NUMA1: variants seen among roughly 807,000 people sequenced by gnomAD.
The protein encoded by NUMA1 is SP-H antigen.
A neutral mutation model predicts 237.1 loss-of-function variants in NUMA1; 62 were observed. The ratio of observed to expected loss-of-function variants is 0.26; its 90% confidence interval spans 0.21 to 0.32. The LOEUF is 0.32. Among genes scored for constraint, NUMA1 ranks in the 10% least tolerant of loss-of-function variants. NUMA1 has a pLI of 1.00. For missense variants in NUMA1, 2,533 were observed against 2,666.5 expected (o/e 0.95, Z 1.10); for synonymous variants, 1,028 against 1,066.1 (o/e 0.96, Z 0.70).
At chr11:72,063,257 C>T (rs187315642) in intron 2 of NUMA1, among the ~76,000 whole-genome samples, 1 of 152,112 alleles carries the variant, frequency 6.6e-6, no homozygotes, top group Admixed American at 6.5e-5. Context: ...GTGGTGCACA[C>T]CTGTGGTCCC....
chr11:72,003,729 C>A lies in NUMA1; in HGVS notation c.6336+158G>T. The A allele has an allele frequency of 4.0e-6, 4 of 996,394 alleles. No individual in the cohort carries two copies. In the South Asian group the frequency reaches 4.3e-5, roughly 11 times the overall value. The allele number at this position is 996,394 out of a possible 1,614,324, so 61.7% of individuals were successfully genotyped here. A position where few individuals can be genotyped will look rare whatever the true frequency, so the allele number is the denominator to read the frequency against. On this transcript the variant is annotated intron_variant, in intron 26 of 26. Coordinates refer to ENST00000393695, the MANE Select transcript of NUMA1 (RefSeq NM_006185.4). ...CCATGAGAATGGGGCCATCTGTCTT[C>A]TCTCCTTGGAGAGGAGCTACCAGGA...
In NUMA1 at chr11:72,012,393, G is replaced by C; in HGVS notation, c.4650+8C>G. 1 of 1,612,694 alleles carries C rather than the reference G, an allele frequency of 6.2e-7. No individual in the cohort carries two copies. The highest frequency in any genetic ancestry group is 8.5e-7 in the Non-Finnish European group (1 of 1,179,346). ...CAGCCAGCATTTAGCGAGGACCTCAGGCATTACCTGCTTAGTTTGCTCTCT... is the reference window on the plus strand; with the variant it reads ...CAGCCAGCATTTAGCGAGGACCTCACGCATTACCTGCTTAGTTTGCTCTCT... On this transcript the variant is annotated splice_region_variant and intron_variant, in intron 16 of 26. Coordinates refer to ENST00000393695, the MANE Select transcript of NUMA1 (RefSeq NM_006185.4).
In NUMA1 at chr11:72,004,339, A is replaced by G; in HGVS notation, c.6009T>C (p.Ser2003=). 1 of 1,611,556 alleles carries G rather than the reference A, an allele frequency of 6.2e-7. No individual in the cohort carries two copies. Among genetic ancestry groups the G allele is most frequent in the South Asian group, 1.1e-5 (1 of 90,940 alleles). ...EPHQGPGTPE[S]KKATSCFPRP... ...GTGGGAAACAGCTGGTGGCCTTCTTAGACTATGGAGAAGAGGACAGTTAGG... is the reference window on the plus strand; with the variant it reads ...GTGGGAAACAGCTGGTGGCCTTCTTGGACTATGGAGAAGAGGACAGTTAGG... Residue 2003 remains serine, a splice_region_variant and synonymous_variant, in exon 25 of 27, where the codon TCT becomes TCC. Transcript: ENST00000393695.
chr11:72,009,433 C>G, intron 17 of NUMA1, 46 bp from the exon 18 acceptor site: 2 of 1,553,708 alleles, frequency 1.3e-6, no homozygotes, highest in Non-Finnish European at 1.7e-6. Context: ...CCGCTCTACC[C>G]AAGTCCGCTT....
Position 72,038,339 on chromosome 11 carries a change from T to G in NUMA1, c.-32-2364A>C, listed in dbSNP as rs1480423679. Among the ~76,000 whole-genome samples the G allele has an allele frequency of 2.0e-5, 3 of 152,302 alleles. No individual in the cohort carries two copies. The East Asian group carries it at 5.8e-4, about 29-fold the overall frequency. On this transcript the variant is annotated intron_variant, in intron 2 of 26. Transcript: ENST00000393695. ...GTTCCACTGTTCAAGAAAATGAGTGTCAAGGCTAAATATTCTTTTCTGTGT... is the reference window on the plus strand; with the variant it reads ...GTTCCACTGTTCAAGAAAATGAGTGGCAAGGCTAAATATTCTTTTCTGTGT...
Position 72,075,743 on chromosome 11 carries a change from T to C in NUMA1, c.-103+4715A>G, listed in dbSNP as rs1051365503. Reference sequence around the variant, plus strand: ...CTCCTTTATGGAGTTCACTCTATTGTGTGGTTTCTGTTTTGCTGATTGGAT... The same window carrying C: ...CTCCTTTATGGAGTTCACTCTATTGCGTGGTTTCTGTTTTGCTGATTGGAT... On this transcript the variant is annotated intron_variant, in intron 1 of 26. Transcript: ENST00000393695. Among the ~76,000 whole-genome samples, 21 of 152,346 alleles carry C rather than the reference T, an allele frequency of 1.4e-4. 1 individual carries two copies. The highest frequency in any genetic ancestry group is 1.2e-3 in the Admixed American group (19 of 15,298).
At chr11:72,028,313 G>A (rs1939835931) in intron 4 of NUMA1, among the ~76,000 whole-genome samples, 1 of 152,078 alleles carries the variant, frequency 6.6e-6, no homozygotes, top group Non-Finnish European at 1.5e-5. Flanking sequence ...TGTTACCTAT[G>A]AACAGGTAGC....
intron 1 of NUMA1, among the ~76,000 whole-genome samples, chr11:72,077,267 A>G (rs545308018): frequency 2.6e-5 from 4 of 152,208 alleles, no homozygotes; most frequent in Non-Finnish European, 5.9e-5. Flanking sequence ...AGGAATTACT[A>G]TATGCCCCCA....
chr11:72,066,143 T>G (rs970036023), intron 2 of NUMA1: 1 of 150,086 alleles, frequency 6.7e-6, no homozygotes, highest in Admixed American at 6.6e-5. Flanking sequence ...CCATCTCTAC[T>G]AAAAATACAA....
chr11:72,021,524 G>A (rs973053260), intron 7 of NUMA1, among the ~76,000 whole-genome samples: 8 of 152,188 alleles, frequency 5.3e-5, no homozygotes, highest in African/African-American at 9.7e-5. Flanking sequence ...AAGATGTACC[G>A]AAGTCAGAGT....
At chr11:72,008,570 TTCG>T in intron 20 of NUMA1, 115 bp downstream of exon 20, 1 of 1,198,056 alleles carries the variant, frequency 8.3e-7, no homozygotes, top group Non-Finnish European at 1.2e-6. Flanking sequence ...ATACCCGTTT[TTCG>T]TTATTCTTCT....
rs1943538715 is a variant in NUMA1 at position 72,073,081 on chromosome 11, A to G, written c.-102-3170T>C. Among the ~76,000 whole-genome samples, 3 of 133,350 alleles carry G rather than the reference A, an allele frequency of 2.2e-5. No homozygotes were observed. The South Asian group carries it at 7.6e-4, about 34-fold the overall frequency. The allele number at this position is 133,350 out of a possible 152,430, so 87.5% of individuals were successfully genotyped here. A position where few individuals can be genotyped will look rare whatever the true frequency, so the allele number is the denominator to read the frequency against. On this transcript the variant is annotated intron_variant, in intron 1 of 26. Coordinates refer to ENST00000393695, the MANE Select transcript of NUMA1 (RefSeq NM_006185.4). ...AAAAAAAAAAAAAGCTGCCTAGGCC[A>G]GGCACAATGGCTTACACCCATAAAC...
In NUMA1 at chr11:72,016,513, C is replaced by G; in HGVS notation, c.1137G>C (p.Lys379Asn). 6.2e-7 allele frequency: 1 copy of G among 1,613,982 alleles called. No homozygotes were observed. The highest frequency in any genetic ancestry group is 8.5e-7 in the Non-Finnish European group (1 of 1,180,018). Residue 379 changes from lysine (K) to asparagine (N), a missense_variant, in exon 14 of 27, where the codon AAG becomes AAC. By Grantham distance (94) the Lys-to-Asn change is moderately conservative. Around this residue, in one of 3 missense-constraint regions of NUMA1, gnomAD observed 1,414 missense variants for 1,508.1 expected, o/e 0.94. Transcript: ENST00000393695. ...ALQDKKCLEEKNEILQGKLSQ... is the reference protein window; with the variant it reads ...ALQDKKCLEENNEILQGKLSQ... ...AAAGTTTTCCCTGAAGGATTTCGTT[C>G]TTCTCTTCAAGGCATTTCTGGGAGT...
chr11:72,005,417 T>TGCAGGAAGGAGGGG, intron 22 of NUMA1, 48 bp from the exon 23 acceptor site: 1 of 1,583,990 alleles, frequency 6.3e-7, no homozygotes, highest in Non-Finnish European at 8.6e-7. Flanking sequence ...AGTCGGCAGG[T>TGCAGGAAGGAGGGG]CACCTCCTGG....
At chr11:72,017,306 A>G in intron 13 of NUMA1, 1 of 290,298 alleles carries the variant, frequency 3.4e-6, no homozygotes, top group South Asian at 3.4e-5. Flanking sequence ...CTTACTTTAC[A>G]CTACACGATG....
intron 2 of NUMA1, among the ~76,000 whole-genome samples, chr11:72,051,357 C>G (rs1942350684): frequency 6.6e-6 from 1 of 152,088 alleles, no homozygotes; most frequent in South Asian, 2.1e-4. Flanking sequence ...AAAACATATT[C>G]TCCAAAATAC....
rs777152882 is a variant in NUMA1 at position 72,003,844 on chromosome 11, G to T, written c.6336+43C>A. The stretch of plus-strand genomic sequence containing the variant: ...GTGGGGCGGTCTGGGGGGTGCCCAT[G>T]CTCTCATCGGGTTTCCCTCCCCCAT... On this transcript the variant is annotated intron_variant, in intron 26 of 26. Transcript: ENST00000393695. The T allele has an allele frequency of 1.9e-6, 3 of 1,594,286 alleles. No individual in the cohort carries two copies. The Admixed American group carries it at 5.1e-5, about 27-fold the overall frequency.
chr11:72,077,462 C>T (rs1194065912), intron 1 of NUMA1, among the ~76,000 whole-genome samples: 6 of 152,144 alleles, frequency 3.9e-5, no homozygotes, highest in Admixed American at 3.9e-4. Flanking sequence ...TGAAAAAACA[C>T]TTTCAAAGTG....
chr11:72,051,684 G>A (rs1352357098), intron 2 of NUMA1, among the ~76,000 whole-genome samples: 2 of 152,022 alleles, frequency 1.3e-5, no homozygotes, highest in Admixed American at 1.3e-4. Context: ...TGCCCAAGCT[G>A]GTCTCAAACT....
Sources: allele counts gnomAD v4.1 joint callset (sites outside exome capture counted in the v4.1 genomes callset), GRCh38; gene constraint gnomAD v4.1.1; regional missense constraint gnomAD v4.1.1; transcripts MANE v1.5; gene names NCBI Gene and HGNC (gene_info 2026-07-23, HGNC 2026-07-21).